Variants in ANK2 observed in about 807,000 individuals in gnomAD.
The protein encoded by ANK2 is ankyrin 2.
A neutral mutation model predicts 360.5 loss-of-function variants in ANK2; 83 were observed. The observed-to-expected ratio is 0.23, with a 90% CI of 0.19 to 0.28. The LOEUF (loss-of-function observed/expected upper bound fraction) is 0.28, where lower values mean the gene tolerates loss of function less well. Among genes scored for constraint, ANK2 ranks in the 10% least tolerant of loss-of-function variants. The pLI, the probability that ANK2 is intolerant of heterozygous loss-of-function variation, is 1.00. For synonymous variants in ANK2, 1,740 were observed against 1,759.5 expected (o/e 0.99, Z 0.28); for missense variants, 4,201 against 4,795.7 (o/e 0.88, Z 3.66).
chr4:113,335,861 A>G lies in ANK2; in HGVS notation c.3395A>G (p.Glu1132Gly). 6.2e-7 allele frequency: 1 copy of G among 1,614,176 alleles called. No individual in the cohort carries two copies. The change falls in exon 30 of 46, where the codon GAA (glutamate) becomes GGA (glycine). Residue 1132 changes from glutamate (E) to glycine (G), a missense_variant. Coordinates refer to ENST00000357077, the MANE Select transcript of ANK2 (RefSeq NM_001148.6). ...CTTGTCTTAGTACTGGATAGCCCAG[A>G]AGACCTAGAAAAGAAACGAATCTGC... Reference protein sequence around the residue: ...NGMDEVLDSPEDLEKKRICRI... With the variant: ...NGMDEVLDSPGDLEKKRICRI...
At chr4:112,824,960 C>T (rs2058084987) in intron 1 of ANK2, among the ~76,000 whole-genome samples, 1 of 152,170 alleles carries the variant, frequency 6.6e-6, no homozygotes, top group African/African-American at 2.4e-5. Flanking sequence ...ATACTATCCA[C>T]TGTCTTAAGA....
intron 3 of ANK2, 102 bp downstream of exon 3, chr4:113,196,568 C>G (rs763174407): frequency 1.6e-4 from 174 of 1,079,596 alleles, no homozygotes; most frequent in Non-Finnish European, 2.3e-4. Flanking sequence ...CTTTCTGTTG[C>G]CCAGGAAGTA....
chr4:112,829,242 A>G (rs1579183932), intron 1 of ANK2, among the ~76,000 whole-genome samples: 1 of 152,222 alleles, frequency 6.6e-6, no homozygotes, highest in African/African-American at 2.4e-5. Context: ...TGTCTAGATA[A>G]TCTGTCTAAT....
intron 2 of ANK2, among the ~76,000 whole-genome samples, chr4:113,179,266 G>A (rs1171681812): frequency 6.6e-6 from 1 of 152,198 alleles, no homozygotes; most frequent in Non-Finnish European, 1.5e-5. Context: ...ATTACAATAT[G>A]TAATGTAGAA....
chr4:112,969,988 TA>T (rs2038867217), intron 2 of ANK2, among the ~76,000 whole-genome samples: 2 of 152,172 alleles, frequency 1.3e-5, no homozygotes, highest in Admixed American at 6.5e-5. Flanking sequence ...ATAATTTTAT[TA>T]TTTTTTTTTT....
chr4:112,851,991 T>C (rs1342891582), intron 1 of ANK2, among the ~76,000 whole-genome samples: 2 of 152,248 alleles, frequency 1.3e-5, no homozygotes, highest in African/African-American at 4.8e-5. Flanking sequence ...AAACCTATGA[T>C]GAAGCCTAAG....
At position 113,354,824 on chromosome 4, in the gene ANK2, G is replaced by C; in HGVS notation, c.6206G>C (p.Arg2069Pro). 6.2e-7 allele frequency: 1 copy of C among 1,614,144 alleles called. No homozygotes were observed. Among genetic ancestry groups the C allele is most frequent in the Non-Finnish European group, 8.5e-7 (1 of 1,180,012 alleles). Residue 2069 changes from arginine to proline, a missense_variant, in exon 38 of 46, where the codon CGT becomes CCT. This residue lies in a region of ANK2 where 2,642 missense variants were observed against 2,714.5 expected (regional missense o/e 0.97). Transcript: ENST00000357077. ...ACAGCAGAATCCAAAAGAGGAGTTCGTGTTTCCTCCATAGGAGTTAAGAAA... is the reference window on the plus strand; with the variant it reads ...ACAGCAGAATCCAAAAGAGGAGTTCCTGTTTCCTCCATAGGAGTTAAGAAA... Reference protein sequence around the residue: ...TGTAESKRGVRVSSIGVKKED... With the variant: ...TGTAESKRGVPVSSIGVKKED...
intron 1 of ANK2, among the ~76,000 whole-genome samples, chr4:113,103,549 G>A (rs369801571): frequency 1.5e-4 from 23 of 152,110 alleles, no homozygotes; most frequent in African/African-American, 2.2e-4. Context: ...AGTATATATC[G>A]TCATGAATTT....
intron 45 of ANK2, chr4:113,375,008 A>C (rs1460591330): frequency 5.3e-6 from 5 of 951,330 alleles, no homozygotes; most frequent in Non-Finnish European, 6.5e-6. Context: ...GCATTTGAAA[A>C]GAAAATCGTT....
At chr4:113,255,101 C>T (rs2048573595) in intron 10 of ANK2, among the ~76,000 whole-genome samples, 1 of 152,142 alleles carries the variant, frequency 6.6e-6, no homozygotes, top group South Asian at 2.1e-4. Flanking sequence ...TTAATGAAGA[C>T]AAATTTAGAT....
At chr4:112,712,008 T>C in the ANK2 span, among the ~76,000 whole-genome samples, 62 of 150,178 alleles carry the variant, frequency 4.1e-4, no homozygotes, top group African/African-American at 1.4e-3. Flanking sequence ...AATTGCATTC[T>C]TTGTATATTT....
chr4:112,738,176 G>A, the ANK2 span, among the ~76,000 whole-genome samples: 6 of 152,226 alleles, frequency 3.9e-5, no homozygotes, highest in African/African-American at 1.2e-4. Context: ...TTGGGAGGCC[G>A]AGGCGGGCAG....
At chr4:113,294,949 T>C (rs1416582659) in intron 22 of ANK2, among the ~76,000 whole-genome samples, 1 of 152,172 alleles carries the variant, frequency 6.6e-6, no homozygotes, top group Admixed American at 6.5e-5. Context: ...TAAAACAAGG[T>C]GTACATCACA....
At chr4:112,792,068 T>G in the ANK2 span, among the ~76,000 whole-genome samples, 204 of 141,578 alleles carry the variant, frequency 1.4e-3, 2 homozygotes, top group African/African-American at 5.0e-3. Context: ...TGAGACGGAG[T>G]TTTGCTCTTG....
the ANK2 span, among the ~76,000 whole-genome samples, chr4:112,750,522 A>C: frequency 6.6e-6 from 1 of 152,164 alleles, no homozygotes; most frequent in Non-Finnish European, 1.5e-5. Context: ...TAGGAGCAAT[A>C]GACTATACTG....
chr4:112,985,775 G>C (rs961080044), intron 2 of ANK2, among the ~76,000 whole-genome samples: 1 of 152,022 alleles, frequency 6.6e-6, no homozygotes. Flanking sequence ...GAAGATTCAG[G>C]GACAGTAGGC....
intron 2 of ANK2, among the ~76,000 whole-genome samples, chr4:113,021,177 AG>A (rs1312510178): frequency 2.0e-5 from 1 of 51,210 alleles, no homozygotes; most frequent in Non-Finnish European, 4.0e-5. Context: ...CAGAGAGGGA[AG>A]GGCTTTTTTT....
chr4:113,015,174 T>C (rs2154294447), intron 2 of ANK2, among the ~76,000 whole-genome samples: 1 of 152,246 alleles, frequency 6.6e-6, no homozygotes, highest in African/African-American at 2.4e-5. Context: ...TTTTATCTAT[T>C]GTTTACAGAG....
At chr4:112,719,672 G>A in the ANK2 span, among the ~76,000 whole-genome samples, 1 of 150,726 alleles carries the variant, frequency 6.6e-6, no homozygotes, top group Admixed American at 6.6e-5. Flanking sequence ...AGCTTGCTGT[G>A]AGCTGAGATC....
Sources: allele counts gnomAD v4.1 joint callset (sites outside exome capture counted in the v4.1 genomes callset), GRCh38; gene constraint gnomAD v4.1.1; regional missense constraint gnomAD v4.1.1; transcripts MANE v1.5; gene names NCBI Gene and HGNC (gene_info 2026-07-23, HGNC 2026-07-21).